Variants in SCRG1 observed in about 807,000 individuals in gnomAD.
The protein encoded by SCRG1 is scrapie-responsive protein 1.
A neutral mutation model predicts 7.7 loss-of-function variants in SCRG1; 3 were observed. That is an observed-to-expected ratio of 0.39 (90% CI 0.18 to 1.01). SCRG1 has a LOEUF of 1.01. SCRG1 is among the 50% of genes least tolerant of loss of function. The probability of loss-of-function intolerance (pLI) is 0.36; values close to 1 mark genes in which losing one functional copy is unlikely to be tolerated. For synonymous variants in SCRG1, 46 were observed against 41.2 expected (o/e 1.12, Z -0.44); for missense variants, 110 against 117.2 (o/e 0.94, Z 0.28).
At chr4:173,483,249 C>CATAAATTATATATA in the SCRG1 span, among the ~76,000 whole-genome samples, 2 of 52,246 alleles carry the variant, frequency 3.8e-5, no homozygotes, top group Non-Finnish European at 6.0e-5. Flanking sequence ...TATGATATAT[C>CATAAATTATATATA]ATATATGATA....
At chr4:173,484,590 T>C in the SCRG1 span, among the ~76,000 whole-genome samples, 6 of 95,128 alleles carry the variant, frequency 6.3e-5, no homozygotes, top group Non-Finnish European at 1.1e-4. Flanking sequence ...TTATACATTA[T>C]GTATATTTTA....
chr4:173,400,181 G>A (rs1365718249), upstream of SCRG1, among the ~76,000 whole-genome samples: 4 of 152,162 alleles, frequency 2.6e-5, no homozygotes, highest in East Asian at 1.9e-4. Flanking sequence ...AGAAAATACC[G>A]GCTTTTGCTG....
the SCRG1 span, among the ~76,000 whole-genome samples, chr4:173,415,979 A>G: frequency 1.3e-5 from 2 of 152,228 alleles, no homozygotes; most frequent in South Asian, 2.1e-4. Flanking sequence ...GAAGCGCCCC[A>G]CTGGCAAGTC....
the SCRG1 span, among the ~76,000 whole-genome samples, chr4:173,414,095 G>T: frequency 1.3e-5 from 2 of 152,092 alleles, no homozygotes; most frequent in Non-Finnish European, 2.9e-5. Flanking sequence ...GGTTAGCACG[G>T]GTCAGTTTCA....
chr4:173,501,725 G>A, the SCRG1 span, among the ~76,000 whole-genome samples: 1 of 152,182 alleles, frequency 6.6e-6, no homozygotes, highest in Non-Finnish European at 1.5e-5. This position sits in a 1 kb window ranked among gnomAD's most constrained non-coding sequence, Gnocchi z 5.1. Flanking sequence ...CAGAGGCATG[G>A]GTTATCTAGG....
the SCRG1 span, chr4:173,419,419 A>T: frequency 8.4e-7 from 1 of 1,188,684 alleles, no homozygotes; most frequent in African/African-American, 1.5e-5. Flanking sequence ...GAGCTTTCTT[A>T]TACATCTCCT....
rs1739253152 is a variant in SCRG1, at chr4:173,386,512, A to G, written c.*1829T>C. ...TCAAAATTGTTTGGTCCAGCCCAGT[A>G]ACACTTATTTACACAGATTAGATAC... On this transcript the variant is annotated 3_prime_UTR_variant, in exon 3 of 3. Transcript: ENST00000296506. 1 of 152,150 alleles carries G rather than the reference A, an allele frequency of 6.6e-6. No homozygotes were observed. The highest frequency in any genetic ancestry group is 2.4e-5 in the African/African-American group (1 of 41,414). 9.4% of individuals were successfully genotyped at this position (152,150 alleles called of 1,614,324 possible).
intron 1 of SCRG1, among the ~76,000 whole-genome samples, chr4:173,397,119 C>T (rs1739629765): frequency 6.6e-6 from 1 of 152,200 alleles, no homozygotes; most frequent in African/African-American, 2.4e-5. Flanking sequence ...GCAGACTTCT[C>T]TTCTTCCTTT....
intron 2 of SCRG1, 110 bp downstream of exon 2, chr4:173,391,063 G>C: frequency 8.8e-7 from 1 of 1,130,780 alleles, no homozygotes; most frequent in Non-Finnish European, 1.3e-6. Context: ...GATTGGAACA[G>C]GATTTTACTA....
the SCRG1 span, among the ~76,000 whole-genome samples, chr4:173,431,636 C>A: frequency 6.6e-6 from 1 of 152,174 alleles, no homozygotes; most frequent in African/African-American, 2.4e-5. Flanking sequence ...ATGCCTTGAA[C>A]CATAGATATT....
At chr4:173,465,124 A>G in the SCRG1 span, among the ~76,000 whole-genome samples, 1 of 152,220 alleles carries the variant, frequency 6.6e-6, no homozygotes, top group Non-Finnish European at 1.5e-5. Flanking sequence ...AAATGGGTAC[A>G]AACTTTCTGT....
chr4:173,414,877 C>G, the SCRG1 span, among the ~76,000 whole-genome samples: 1,857 of 152,274 alleles, frequency 0.012, 42 homozygotes, highest in African/African-American at 0.039. Flanking sequence ...TCGTGCACTC[C>G]TTGGTGGGCA....
chr4:173,386,643 C>T lies in SCRG1; in HGVS notation c.*1698G>A, dbSNP rs1739257124. Reference sequence around the variant, plus strand: ...TGGTCTCCAGAAACAGATCAGGGACCTCCAAGGATATATTTTAATGAAATA... The same window carrying T: ...TGGTCTCCAGAAACAGATCAGGGACTTCCAAGGATATATTTTAATGAAATA... On this transcript the variant is annotated 3_prime_UTR_variant, in exon 3 of 3. Coordinates refer to ENST00000296506, the MANE Select transcript of SCRG1 (RefSeq NM_007281.4). 6.6e-6 allele frequency: 1 copy of T among 152,138 alleles called. No individual in the cohort carries two copies. The highest frequency in any genetic ancestry group is 1.5e-5 in the Non-Finnish European group (1 of 68,022). The allele number at this position is 152,138 out of a possible 1,614,324, so 9.4% of individuals were successfully genotyped here.
the SCRG1 span, among the ~76,000 whole-genome samples, chr4:173,507,033 G>A: frequency 1.3e-5 from 2 of 152,202 alleles, no homozygotes; most frequent in Non-Finnish European, 2.9e-5. This position sits in a 1 kb window ranked among gnomAD's most constrained non-coding sequence, Gnocchi z 4.4. Flanking sequence ...GACATGCTGC[G>A]CTGCGGCGGC....
At chr4:173,457,318 T>G in the SCRG1 span, among the ~76,000 whole-genome samples, 1 of 152,192 alleles carries the variant, frequency 6.6e-6, no homozygotes, top group Non-Finnish European at 1.5e-5. Context: ...TGGTGTTCTG[T>G]TAGGGTGTTG....
the SCRG1 span, among the ~76,000 whole-genome samples, chr4:173,508,954 CG>C: frequency 5.3e-4 from 81 of 152,134 alleles, no homozygotes; most frequent in Non-Finnish European, 1.1e-3. This position sits in a 1 kb window ranked among gnomAD's most constrained non-coding sequence, Gnocchi z 4.4. Context: ...GGTGCCGAGG[CG>C]AGATAGCCAG....
chr4:173,486,802 C>A, the SCRG1 span, among the ~76,000 whole-genome samples: 1 of 152,142 alleles, frequency 6.6e-6, no homozygotes, highest in Non-Finnish European at 1.5e-5. Context: ...TAGGCTCAGA[C>A]TAACAGAGTG....
the SCRG1 span, among the ~76,000 whole-genome samples, chr4:173,492,128 T>C: frequency 6.6e-6 from 1 of 152,054 alleles, no homozygotes; most frequent in Non-Finnish European, 1.5e-5. Flanking sequence ...AGATCCTGTC[T>C]CAAACATTTT....
the SCRG1 span, among the ~76,000 whole-genome samples, chr4:173,500,296 G>A: frequency 4.6e-5 from 7 of 152,330 alleles, no homozygotes; most frequent in South Asian, 1.2e-3. Flanking sequence ...CCGCGCCAGC[G>A]AGCCCTGCTC....
Sources: gnomAD v4.1 joint callset for allele counts (sites outside exome capture counted in the v4.1 genomes callset) on GRCh38, gnomAD v4.1.1 for gene constraint, Gnocchi (gnomAD v3.1) non-coding constraint, MANE v1.5 for transcripts, NCBI Gene and HGNC (gene_info 2026-07-23, HGNC 2026-07-21) for gene names.